The following BCAT1 variants were observed in gnomAD, a reference collection of about 807,000 sequenced individuals.
BCAT1 encodes branched chain amino acid transaminase 1, also known as branched-chain-amino-acid aminotransferase, cytosolic.
A neutral mutation model predicts 52.4 loss-of-function variants in BCAT1; 48 were observed. The observed-to-expected ratio is 0.92, with a 90% CI of 0.73 to 1.16. The LOEUF (loss-of-function observed/expected upper bound fraction) is 1.16. Among genes scored for constraint, BCAT1 ranks in the 50% most tolerant of loss-of-function variants. The pLI, the probability that BCAT1 is intolerant of heterozygous loss-of-function variation, is 0.00. For synonymous variants in BCAT1, 167 were observed against 161.3 expected (o/e 1.04, Z -0.27); for missense variants, 451 against 457.1 (o/e 0.99, Z 0.12).
intron 5 of BCAT1, among the ~76,000 whole-genome samples, chr12:24,867,865 C>T (rs936215282): frequency 4.6e-5 from 7 of 152,038 alleles, no homozygotes; most frequent in Non-Finnish European, 7.4e-5. Context: ...AGTAGCCGAG[C>T]ATGGTGGCAC....
At chr12:24,894,819 AAG>A (rs753739911) in intron 2 of BCAT1, among the ~76,000 whole-genome samples, 6 of 152,234 alleles carry the variant, frequency 3.9e-5, no homozygotes, top group Non-Finnish European at 5.9e-5. Context: ...GGAAAGATGA[AAG>A]AGATGTTTTC....
intron 5 of BCAT1, among the ~76,000 whole-genome samples, chr12:24,872,282 C>G (rs907401688): frequency 1.3e-5 from 2 of 152,178 alleles, no homozygotes; most frequent in African/African-American, 4.8e-5. Context: ...TCCTTAAGCT[C>G]CCTGTGGAGT....
rs1334809821 is a variant in BCAT1, at chr12:24,813,431, G to A, written c.*4577C>T. On this transcript the variant is annotated 3_prime_UTR_variant, in exon 11 of 11. Coordinates refer to ENST00000261192, the MANE Select transcript of BCAT1 (RefSeq NM_005504.7). ...CACCTTCAAGCTAATACTTTAAACAGCATGGTTCATAATAGATATTTTCTA... is the reference window on the plus strand; with the variant it reads ...CACCTTCAAGCTAATACTTTAAACAACATGGTTCATAATAGATATTTTCTA... 4 of 151,976 alleles carry A rather than the reference G, an allele frequency of 2.6e-5. No homozygotes were observed. Among genetic ancestry groups the A allele is most frequent in the Non-Finnish European group, 5.9e-5 (4 of 67,908 alleles). 9.4% of individuals were successfully genotyped at this position (151,976 alleles called of 1,614,324 possible). A position where few individuals can be genotyped will look rare whatever the true frequency, so the allele number is the denominator to read the frequency against.
chr12:24,871,887 G>A (rs1287587041), intron 5 of BCAT1, among the ~76,000 whole-genome samples: 2 of 152,012 alleles, frequency 1.3e-5, no homozygotes, highest in Admixed American at 6.6e-5. Context: ...CACTAAAAAC[G>A]GAGCTGTTAA....
At chr12:24,859,598 C>T (rs533391899) in intron 5 of BCAT1, among the ~76,000 whole-genome samples, 11 of 119,696 alleles carry the variant, frequency 9.2e-5, no homozygotes, top group East Asian at 7.4e-4. Context: ...TCCAGCTGGG[C>T]GACAGAGCCA....
intron 1 of BCAT1, among the ~76,000 whole-genome samples, chr12:24,921,044 C>G (rs905609205): frequency 6.6e-6 from 1 of 152,014 alleles, no homozygotes; most frequent in African/African-American, 2.4e-5. Context: ...CTTACCTTCC[C>G]GTGACCCTCC....
intron 6 of BCAT1, among the ~76,000 whole-genome samples, chr12:24,844,766 T>G (rs183646412): frequency 0.011 from 1,630 of 150,352 alleles, 34 homozygotes; most frequent in African/African-American, 0.037. Context: ...GCGTGGTGGC[T>G]GGCGCCTGTA....
chr12:24,820,501 C>G (rs1315070024), intron 10 of BCAT1, among the ~76,000 whole-genome samples: 27 of 152,072 alleles, frequency 1.8e-4, no homozygotes, highest in Non-Finnish European at 5.9e-5. Flanking sequence ...TCTTCATGGA[C>G]TAGGATGTCA....
chr12:24,866,628 G>T (rs372142771), intron 5 of BCAT1, among the ~76,000 whole-genome samples: 3 of 152,206 alleles, frequency 2.0e-5, no homozygotes, highest in Admixed American at 6.5e-5. Flanking sequence ...ACCAATCGGC[G>T]CTCTGTATCT....
chr12:24,873,388 AT>A (rs1229188389), intron 5 of BCAT1, among the ~76,000 whole-genome samples: 1 of 152,204 alleles, frequency 6.6e-6, no homozygotes, highest in African/African-American at 2.4e-5. Flanking sequence ...TTTTATAAAT[AT>A]GAGAAATCTT....
At chr12:24,889,760 C>A (rs541626241) in intron 3 of BCAT1, among the ~76,000 whole-genome samples, 15 of 152,192 alleles carry the variant, frequency 9.9e-5, no homozygotes, top group African/African-American at 3.4e-4. Flanking sequence ...GAGGCAGAGG[C>A]GGGAGGCTTA....
At chr12:24,883,942 A>T (rs542595833) in intron 3 of BCAT1, among the ~76,000 whole-genome samples, 1 of 152,210 alleles carries the variant, frequency 6.6e-6, no homozygotes, top group Non-Finnish European at 1.5e-5. Flanking sequence ...CACCTCCTAC[A>T]GTGCGATCCA....
chr12:24,905,496 C>T (rs1263453875), intron 1 of BCAT1, among the ~76,000 whole-genome samples: 1 of 152,074 alleles, frequency 6.6e-6, no homozygotes, highest in African/African-American at 2.4e-5. Flanking sequence ...AACTCAAAAA[C>T]AATGAAACAA....
intron 10 of BCAT1, among the ~76,000 whole-genome samples, chr12:24,824,124 T>C (rs2220270): frequency 0.85 from 129,580 of 152,188 alleles, 55,233 homozygotes; most frequent in Admixed American, 0.88. Context: ...GCCAAACACC[T>C]CCACTTAGAT....
intron 8 of BCAT1, 105 bp from the exon 9 acceptor site, chr12:24,832,968 G>A: frequency 1.7e-6 from 2 of 1,211,238 alleles, no homozygotes; most frequent in Non-Finnish European, 2.3e-6. Context: ...ACTTAGACAA[G>A]GTCACAATCA....
At chr12:24,917,448 C>G (rs942297802) in intron 1 of BCAT1, among the ~76,000 whole-genome samples, 1 of 152,196 alleles carries the variant, frequency 6.6e-6, no homozygotes, top group Non-Finnish European at 1.5e-5. Flanking sequence ...TCCCAAAGTG[C>G]TGGGATTACA....
chr12:24,878,726 T>C, intron 4 of BCAT1, 77 bp from the exon 5 acceptor site: 1 of 1,323,710 alleles, frequency 7.6e-7, no homozygotes, highest in Non-Finnish European at 1.0e-6. Flanking sequence ...CACTGAAGCA[T>C]TTAAACTGTT....
intron 1 of BCAT1, among the ~76,000 whole-genome samples, chr12:24,921,900 A>G (rs1215401362): frequency 6.6e-6 from 1 of 152,208 alleles, no homozygotes; most frequent in Non-Finnish European, 1.5e-5. Context: ...ATCAAAGGAA[A>G]GCATGAAAAA....
At chr12:24,882,820 C>G (rs933474149) in intron 3 of BCAT1, among the ~76,000 whole-genome samples, 4 of 151,568 alleles carry the variant, frequency 2.6e-5, no homozygotes, top group Non-Finnish European at 4.4e-5. Flanking sequence ...AGGCTGGTCT[C>G]GAACTCCTGG....
Sources: allele counts gnomAD v4.1 joint callset (sites outside exome capture counted in the v4.1 genomes callset), GRCh38; gene constraint gnomAD v4.1.1; transcripts MANE v1.5; gene names NCBI Gene and HGNC (gene_info 2026-07-23, HGNC 2026-07-21).